The following PPP1R12C variants were observed in gnomAD, a reference collection of about 807,000 sequenced individuals.
PPP1R12C encodes the protein protein phosphatase 1 regulatory subunit 12C, also known as leukocyte receptor cluster (LRC) encoded novel gene 3.
A neutral mutation model predicts 95.6 loss-of-function variants in PPP1R12C; 48 were observed. The observed-to-expected ratio is 0.50, with a 90% CI of 0.40 to 0.64. The LOEUF (loss-of-function observed/expected upper bound fraction) is 0.64. PPP1R12C is among the 30% of genes least tolerant of loss of function. The pLI is 0.00. For missense variants in PPP1R12C, 1,057 were observed against 1,083.3 expected (o/e 0.98, Z 0.34); for synonymous variants, 480 against 460.8 (o/e 1.04, Z -0.53).
chr19:55,091,913 G>A lies in PPP1R12C; in HGVS notation c.2161-4C>T, dbSNP rs372178042. The A allele has an allele frequency of 5.0e-6, 8 of 1,613,110 alleles. No homozygotes were observed. Among genetic ancestry groups the A allele is most frequent in the Admixed American group, 1.7e-5 (1 of 60,018 alleles). On this transcript the variant is annotated splice_polypyrimidine_tract_variant and splice_region_variant and intron_variant, in intron 19 of 21. Coordinates refer to ENST00000263433, the MANE Select transcript of PPP1R12C (RefSeq NM_017607.4). ...TCTCAGCGAAGCGTTCTTGCCTCTG[G>A]TGAGGACACAGAAAGCACAGGGGTC...
At chr19:55,093,323 CT>C in intron 13 of PPP1R12C, 90 bp from the exon 14 acceptor site, 8 of 318,400 alleles carry the variant, frequency 2.5e-5, no homozygotes, top group South Asian at 1.4e-4. Flanking sequence ...CCAGCCCCTC[CT>C]CCCTCAGACC....
Position 55,093,147 on chromosome 19 carries a change from T to A in PPP1R12C, c.1764+6A>T. ...CACCCCACTCGCCCTCGCTGACCCC[T>A]CTCACCAGGCTCTGCGCCGGCTTCT... On this transcript the variant is annotated splice_donor_region_variant and intron_variant, in intron 14 of 21. Transcript: ENST00000263433. 1 of 1,613,518 alleles carries A rather than the reference T, an allele frequency of 6.2e-7. No individual in the cohort carries two copies. The highest frequency in any genetic ancestry group is 8.5e-7 in the Non-Finnish European group (1 of 1,179,896).
intron 3 of PPP1R12C, among the ~76,000 whole-genome samples, chr19:55,106,065 G>A (rs2085035289): frequency 6.6e-6 from 1 of 152,138 alleles, no homozygotes; most frequent in Admixed American, 6.5e-5. Flanking sequence ...ACGTGGGATG[G>A]AACAGTCATT....
In PPP1R12C at chr19:55,095,916, G is replaced by T; in HGVS notation, c.1178C>A (p.Thr393Asn). 1 of 1,613,268 alleles carries T rather than the reference G, an allele frequency of 6.2e-7. No individual in the cohort carries two copies. Residue 393 changes from threonine (T) to asparagine (N), a missense_variant, in exon 9 of 22, where the codon ACC (threonine) becomes AAC (asparagine). By Grantham distance (65) the Thr-to-Asn change is moderately conservative. This residue lies in a region of PPP1R12C where 356 missense variants were observed against 330.5 expected (regional missense o/e 1.08). Transcript: ENST00000263433. The part of the protein sequence containing the change: ...PTEPPPAEPR[T>N]LNGVSSPPHP... ...CGGCGGGGAGGAGACGCCATTGAGG[G>T]TTCTGGGTTCTGCAGGGGGTGGTTC...
chr19:55,113,745 CTG>C, intron 1 of PPP1R12C: 1 of 467,458 alleles, frequency 2.1e-6, no homozygotes, highest in Non-Finnish European at 3.3e-6. Flanking sequence ...GAAACTCGGG[CTG>C]TGAAGGGGCC....
At chr19:55,116,584 A>G (rs2085156314) in intron 1 of PPP1R12C, among the ~76,000 whole-genome samples, 1 of 152,262 alleles carries the variant, frequency 6.6e-6, no homozygotes, top group Admixed American at 6.5e-5. Context: ...CCTGCCTGGG[A>G]AGGGGAAACA....
chr19:55,112,861 C>T, intron 1 of PPP1R12C, 66 bp from the exon 2 acceptor site: 1 of 1,591,780 alleles, frequency 6.3e-7, no homozygotes, highest in Non-Finnish European at 8.5e-7. Flanking sequence ...AGTCGGGACT[C>T]CAGAGGGAGC....
At position 55,091,376 on chromosome 19, in the gene PPP1R12C, T is replaced by A. The variant is rs1033795545; in HGVS notation, c.*96A>T. On this transcript the variant is annotated 3_prime_UTR_variant, in exon 22 of 22. Coordinates refer to ENST00000263433, the MANE Select transcript of PPP1R12C (RefSeq NM_017607.4). ...AGGGGGGCTATGGCTTCTCTGAGAC[T>A]TCCCCCGGAGCCCTGTCACTCGTGT... The A allele has an allele frequency of 1.6e-6, 2 of 1,288,482 alleles. No individual in the cohort carries two copies. The highest frequency in any genetic ancestry group is 4.1e-5 in the Admixed American group (2 of 49,366). 79.8% of individuals were successfully genotyped at this position (1,288,482 alleles called of 1,614,324 possible).
chr19:55,112,524 C>T lies in PPP1R12C; in HGVS notation c.514G>A (p.Asp172Asn). ...AVNSDGDLPL[D>N]LAESDAMEGL... ...TCCATGGCGTCCGACTCGGCCAGGT[C>T]CAGGGGCAGGTCCCCGTCACTGTTG... Residue 172 changes from aspartate (D) to asparagine (N), a missense_variant, in exon 3 of 22, where the codon GAC becomes AAC. Transcript: ENST00000263433. The T allele has an allele frequency of 6.2e-7, 1 of 1,613,518 alleles. No individual in the cohort carries two copies. The highest frequency in any genetic ancestry group is 8.5e-7 in the Non-Finnish European group (1 of 1,179,832).
chr19:55,106,282 C>T (rs984166357), intron 3 of PPP1R12C, among the ~76,000 whole-genome samples: 9 of 152,238 alleles, frequency 5.9e-5, no homozygotes, highest in African/African-American at 2.2e-4. Context: ...CCTCTTACTA[C>T]TGCAAACAAT....
At position 55,095,894 on chromosome 19, in the gene PPP1R12C, C is replaced by A. The variant is rs764116902; in HGVS notation, c.1200G>T (p.Pro400=). The A allele has an allele frequency of 1.9e-6, 3 of 1,613,468 alleles. No individual in the cohort carries two copies. Among genetic ancestry groups the A allele is most frequent in the South Asian group, 2.2e-5 (2 of 91,062 alleles). The change falls in exon 9 of 22, where the codon CCG becomes CCT. Residue 400 remains proline, a synonymous_variant. Transcript: ENST00000263433. ...EPRTLNGVSS[P]PHPSPKSPVQ... The stretch of plus-strand genomic sequence containing the variant: ...CGGGACTCTTAGGGCTGGGGTGCGG[C>A]GGGGAGGAGACGCCATTGAGGGTTC...
In PPP1R12C at chr19:55,094,351, G is replaced by T. The variant is rs1425349195; in HGVS notation, c.1677C>A (p.Ser559=). 1 of 1,610,324 alleles carries T rather than the reference G, an allele frequency of 6.2e-7. No individual in the cohort carries two copies. Among genetic ancestry groups the T allele is most frequent in the Admixed American group, 1.7e-5 (1 of 59,838 alleles). ...RSRLMRQSRR[S]TQGVTLTDLK... is the part of the protein sequence containing the mutation. ...ACCCCAGCCCACCCCACACCTGTGT[G>T]GACCTCCGAGACTGGCGCATGAGAC... Residue 559 remains serine, a synonymous_variant, in exon 13 of 22, where the codon TCC becomes TCA. Coordinates refer to ENST00000263433, the MANE Select transcript of PPP1R12C (RefSeq NM_017607.4).
At chr19:55,106,090 C>A (rs1479125157) in intron 3 of PPP1R12C, among the ~76,000 whole-genome samples, 1 of 152,214 alleles carries the variant, frequency 6.6e-6, no homozygotes, top group Non-Finnish European at 1.5e-5. Flanking sequence ...TTCATTCACA[C>A]ACCATCCCTA....
chr19:55,101,721 C>CCAGT (rs1401819269), intron 4 of PPP1R12C, among the ~76,000 whole-genome samples: 2 of 152,196 alleles, frequency 1.3e-5, no homozygotes, highest in African/African-American at 4.8e-5. Context: ...TTTAGAGTTT[C>CCAGT]CAGTCCCCCT....
At chr19:55,105,354 A>G (rs1269962961) in intron 3 of PPP1R12C, among the ~76,000 whole-genome samples, 2 of 152,194 alleles carry the variant, frequency 1.3e-5, no homozygotes, top group African/African-American at 2.4e-5. Context: ...TCTGCTGCAC[A>G]TCCTTCTGCA....
rs537266634 is a variant in PPP1R12C, at chr19:55,091,165, G to A, written c.*307C>T. ...ACACGTGAGATGGGGACCTCCAGGC[G>A]GCCACTCTGGTCCTGGCTACTGATC... On this transcript the variant is annotated 3_prime_UTR_variant, in exon 22 of 22. Coordinates refer to ENST00000263433, the MANE Select transcript of PPP1R12C (RefSeq NM_017607.4). 32 of 420,410 alleles carry A rather than the reference G, an allele frequency of 7.6e-5. No homozygotes were observed. Among genetic ancestry groups the A allele is most frequent in the African/African-American group, 4.8e-4 (24 of 49,694 alleles). The allele number at this position is 420,410 out of a possible 1,614,324, so 26.0% of individuals were successfully genotyped here.
At chr19:55,091,967 G>C in intron 19 of PPP1R12C, 58 bp from the exon 20 acceptor site, 1 of 1,592,630 alleles carries the variant, frequency 6.3e-7, no homozygotes, top group Non-Finnish European at 8.6e-7. Context: ...TGCTCTGAAG[G>C]GTCCTAGGCT....
rs544202782 is a variant in PPP1R12C at position 55,092,564 on chromosome 19, C to A, written c.1953-20G>T. ...AGGGTGCTGGGGCAGGGGAGGAGCG[C>A]GCGTCAGGGGCCGGCCCGGCCCGCA... is the stretch of plus-strand genomic sequence containing the variant. On this transcript the variant is annotated intron_variant, in intron 17 of 21. Coordinates refer to ENST00000263433, the MANE Select transcript of PPP1R12C (RefSeq NM_017607.4). The A allele has an allele frequency of 3.8e-6, 6 of 1,584,384 alleles. No homozygotes were observed. The South Asian group carries it at 5.7e-5, about 15-fold the overall frequency.
At chr19:55,100,530 A>C (rs2084968967) in intron 4 of PPP1R12C, among the ~76,000 whole-genome samples, 1 of 152,282 alleles carries the variant, frequency 6.6e-6, no homozygotes, top group Non-Finnish European at 1.5e-5. Context: ...GGCACACAGC[A>C]GGGGCTCAAA....
Sources: allele counts gnomAD v4.1 joint callset (sites outside exome capture counted in the v4.1 genomes callset), GRCh38; gene constraint gnomAD v4.1.1; regional missense constraint gnomAD v4.1.1; transcripts MANE v1.5; gene names NCBI Gene and HGNC (gene_info 2026-07-23, HGNC 2026-07-21).